Variants in LCA5L observed in about 807,000 individuals in gnomAD.
LCA5L encodes lebercilin LCA5 like, also known as lebercilin-like protein.
A neutral mutation model predicts 45.4 loss-of-function variants in LCA5L; 35 were observed. That is an observed-to-expected ratio of 0.77 (90% CI 0.59 to 1.02). The LOEUF (loss-of-function observed/expected upper bound fraction) is 1.02. LCA5L is among the 50% of genes least tolerant of loss of function. The pLI is 0.00. For synonymous variants in LCA5L, 233 were observed against 264.7 expected, an observed-to-expected ratio of 0.88 and a Z score of 1.16; for missense variants, 668 against 761.6, an observed-to-expected ratio of 0.88 and a Z score of 1.45.
At chr21:39,410,492 A>G in intron 8 of LCA5L, 125 bp from the exon 9 acceptor site, 1 of 562,242 alleles carries the variant, frequency 1.8e-6, no homozygotes, top group Non-Finnish European at 3.1e-6. Context: ...CTAAATATTC[A>G]ATATATATAT....
chr21:39,421,826 A>T (rs1325206488), intron 6 of LCA5L: 1 of 145,352 alleles, frequency 6.9e-6, no homozygotes, highest in African/African-American at 2.7e-5. Context: ...TCCTCCACTA[A>T]ATGCCTACAA....
At chr21:39,443,677 T>C (rs898516354) in intron 2 of LCA5L, 2 of 152,150 alleles carry the variant, frequency 1.3e-5, no homozygotes, top group Admixed American at 6.6e-5. Context: ...CTCTGTTACT[T>C]TGGTTAATTG....
chr21:39,430,061 T>C (rs553941746), intron 3 of LCA5L, among the ~76,000 whole-genome samples: 38 of 151,864 alleles, frequency 2.5e-4, no homozygotes, highest in Admixed American at 7.9e-4. Context: ...AAAAGAAGAA[T>C]CCCAGATGTT....
At chr21:39,438,255 A>G (rs1224497419) in intron 2 of LCA5L, among the ~76,000 whole-genome samples, 1 of 152,222 alleles carries the variant, frequency 6.6e-6, no homozygotes, top group Non-Finnish European at 1.5e-5. Flanking sequence ...AGTGGACTTC[A>G]GTAAATGATG....
chr21:39,406,689 C>G (rs2039117265), intron 10 of LCA5L, 77 bp from the exon 11 acceptor site: 1 of 1,094,706 alleles, frequency 9.1e-7, no homozygotes, highest in African/African-American at 1.6e-5. Flanking sequence ...GTCTAGTACA[C>G]TTACGTGCAC....
At chr21:39,434,946 A>G (rs868799390) in intron 3 of LCA5L, among the ~76,000 whole-genome samples, 2 of 152,362 alleles carry the variant, frequency 1.3e-5, no homozygotes, top group Non-Finnish European at 1.5e-5. Context: ...TTATAAAATT[A>G]ATATCTACTA....
intron 5 of LCA5L, among the ~76,000 whole-genome samples, chr21:39,424,700 T>C (rs955863879): frequency 1.3e-5 from 2 of 152,090 alleles, no homozygotes; most frequent in Admixed American, 1.3e-4. Flanking sequence ...TCTATCTGTT[T>C]ATACAGATAC....
chr21:39,406,353 C>T lies in LCA5L; in HGVS notation c.1542G>A (p.Thr514=), dbSNP rs200618900. The T allele has an allele frequency of 2.1e-5, 34 of 1,614,014 alleles. No individual in the cohort carries two copies. The highest frequency in any genetic ancestry group is 4.5e-5 in the East Asian group (2 of 44,892). The change falls in exon 11 of 11, where the codon ACG becomes ACA. Residue 514 remains threonine (T), a synonymous_variant. Coordinates refer to ENST00000288350, the MANE Select transcript of LCA5L (RefSeq NM_152505.4). ...GTCTTCTTTGTCTGAGGGGGCCTTT[C>T]GTGTAGGGAGCAGTGCCTTTGCCAA... ...DTLGKGTAPY[T]KGPLRQRRHY...
intron 7 of LCA5L, among the ~76,000 whole-genome samples, chr21:39,414,564 C>T (rs1487467044): frequency 6.6e-6 from 1 of 152,180 alleles, no homozygotes; most frequent in Admixed American, 6.5e-5. Flanking sequence ...ATATGCTCTT[C>T]AACAACCTCG....
At chr21:39,410,795 A>T (rs923926537) in intron 8 of LCA5L, 1 of 469,808 alleles carries the variant, frequency 2.1e-6, no homozygotes, top group East Asian at 6.9e-5. Context: ...GAAGGAAATT[A>T]TATCATTTAA....
chr21:39,413,110 C>T (rs1362315725), intron 7 of LCA5L, among the ~76,000 whole-genome samples: 1 of 152,164 alleles, frequency 6.6e-6, no homozygotes, highest in Non-Finnish European at 1.5e-5. Flanking sequence ...GGAGTTTTAG[C>T]AGCCACATTC....
intron 5 of LCA5L, among the ~76,000 whole-genome samples, chr21:39,424,745 A>G (rs753301597): frequency 1.3e-5 from 2 of 152,224 alleles, no homozygotes; most frequent in African/African-American, 2.4e-5. Flanking sequence ...CAACACAGTT[A>G]ATTTTTCCTG....
rs1356262591 is a variant in LCA5L at position 39,410,086 on chromosome 21, G to A, written c.1175C>T (p.Ala392Val). Residue 392 changes from alanine to valine, a missense_variant, in exon 10 of 11, where the codon GCA (alanine) becomes GTA (valine). Physicochemically the swap from Ala to Val is moderately conservative, Grantham distance 64. Coordinates refer to ENST00000288350, the MANE Select transcript of LCA5L (RefSeq NM_152505.4). The stretch of plus-strand genomic sequence containing the variant: ...TTCTTTATGATCGATGTTTCCTGTT[G>A]CCTTTTTACCCTGTAATTTAGAAAA... ...VPPLTTKGKKATGNIDHKEKS... is the reference protein window; with the variant it reads ...VPPLTTKGKKVTGNIDHKEKS... 2 of 1,604,594 alleles carry A rather than the reference G, an allele frequency of 1.2e-6. No homozygotes were observed. The highest frequency in any genetic ancestry group is 4.5e-5 in the East Asian group (2 of 44,748).
In LCA5L at chr21:39,428,434, T is replaced by C. The variant is rs1171793433; in HGVS notation, c.60A>G (p.Leu20=). The C allele has an allele frequency of 2.5e-6, 4 of 1,612,150 alleles. No homozygotes were observed. In the Admixed American group the frequency reaches 5.0e-5, roughly 20 times the overall value. Reference sequence around the variant, plus strand: ...ATGCTGCAGACCTCCTATTGTTTTCTAATGCCACGCCGAAGAAATGCTCAT... The same window carrying C: ...ATGCTGCAGACCTCCTATTGTTTTCCAATGCCACGCCGAAGAAATGCTCAT... ...NIDEHFFGVA[L]ENNRRSAACK... Residue 20 remains leucine (L), a synonymous_variant, in exon 5 of 11, where the codon TTA becomes TTG. Coordinates refer to ENST00000288350, the MANE Select transcript of LCA5L (RefSeq NM_152505.4).
At chr21:39,414,732 C>CTGTGTGTG (rs1464601997) in intron 7 of LCA5L, among the ~76,000 whole-genome samples, 16 of 110,496 alleles carry the variant, frequency 1.4e-4, no homozygotes, top group African/African-American at 4.3e-4. Flanking sequence ...CTCTCTCTCT[C>CTGTGTGTG]TCTCTCTCTC....
chr21:39,445,310 G>A (rs2077354735), intron 1 of LCA5L: 2 of 152,308 alleles, frequency 1.3e-5, no homozygotes, highest in Admixed American at 6.5e-5. Flanking sequence ...AAGCAAAACA[G>A]CAAGTAAGCA....
rs896046023 is a variant in LCA5L, at chr21:39,405,934, T to G, written c.1961A>C (p.Asn654Thr). The G allele has an allele frequency of 1.2e-6, 2 of 1,612,254 alleles. No individual in the cohort carries two copies. Among genetic ancestry groups the G allele is most frequent in the African/African-American group, 2.7e-5 (2 of 74,846 alleles). The change falls in exon 11 of 11, where the codon AAT (asparagine) becomes ACT (threonine). Residue 654 changes from asparagine to threonine, a missense_variant. Asn to Thr is a moderately conservative substitution (Grantham distance 65, BLOSUM62 0). Coordinates refer to ENST00000288350, the MANE Select transcript of LCA5L (RefSeq NM_152505.4). The part of the protein sequence containing the change: ...AFGDSKVTVV[N>T]SIKPSSPTEG... The stretch of plus-strand genomic sequence containing the variant: ...TGTAGGTGACGATGGCTTAATAGAA[T>G]TTACCACAGTTACTTTAGAGTCTCC...
intron 10 of LCA5L, among the ~76,000 whole-genome samples, chr21:39,408,210 A>C (rs1289011920): frequency 6.6e-6 from 1 of 152,214 alleles, no homozygotes; most frequent in African/African-American, 2.4e-5. Flanking sequence ...AAGGAAAATG[A>C]CCCTCAACCT....
chr21:39,415,683 A>C (rs2041005352), intron 7 of LCA5L, among the ~76,000 whole-genome samples: 1 of 152,244 alleles, frequency 6.6e-6, no homozygotes, highest in Non-Finnish European at 1.5e-5. Flanking sequence ...TGTTTGAATT[A>C]GAATCTAAAC....
Sources: gnomAD v4.1 joint callset for allele counts (sites outside exome capture counted in the v4.1 genomes callset) on GRCh38, gnomAD v4.1.1 for gene constraint, MANE v1.5 for transcripts, NCBI Gene and HGNC (gene_info 2026-07-23, HGNC 2026-07-21) for gene names.